The following BBS9 variants were observed in gnomAD, a reference collection of about 807,000 sequenced individuals.
BBS9 encodes the protein Bardet-Biedl syndrome 9.
Under a neutral mutation model 117.7 loss-of-function variants are expected in BBS9, and 89 were observed. The ratio of observed to expected loss-of-function variants is 0.76; its 90% CI spans 0.64 to 0.90. The LOEUF (loss-of-function observed/expected upper bound fraction) is 0.90. Among genes scored for constraint, BBS9 ranks in the 40% least tolerant of loss-of-function variants. BBS9 has a pLI of 0.00. For synonymous variants in BBS9, 379 were observed against 370.9 expected (o/e 1.02, Z -0.25); for missense variants, 982 against 1,042.2 (o/e 0.94, Z 0.80).
At chr7:33,132,550 TATTCAAGA>T (rs1789787685) in intron 1 of BBS9, among the ~76,000 whole-genome samples, 1 of 152,258 alleles carries the variant, frequency 6.6e-6, no homozygotes, top group Admixed American at 6.5e-5. Flanking sequence ...CTCGGTTCCT[TATTCAAGA>T]CAGTTAACTA....
chr7:33,372,846 T>G (rs1584536923), intron 17 of BBS9, among the ~76,000 whole-genome samples: 1 of 152,194 alleles, frequency 6.6e-6, no homozygotes, highest in Non-Finnish European at 1.5e-5. Context: ...GTTATTGCTC[T>G]GTTCAGATTT....
chr7:33,455,793 G>A lies in BBS9; in HGVS notation c.2116-49670G>A, dbSNP rs559199686. Reference sequence around the variant, plus strand: ...GGATTGTATTAATAAGAAAAATCTGGGTTGGCCTTTCTTGTGTTTCTTTTT... The same window carrying A: ...GGATTGTATTAATAAGAAAAATCTGAGTTGGCCTTTCTTGTGTTTCTTTTT... On this transcript the variant is annotated intron_variant, in intron 19 of 22. Coordinates refer to ENST00000242067, the MANE Select transcript of BBS9 (RefSeq NM_198428.3). Among the ~76,000 whole-genome samples, 16 of 152,232 alleles carry A rather than the reference G, an allele frequency of 1.1e-4. No individual in the cohort carries two copies. In the East Asian group the frequency reaches 2.9e-3, roughly 28 times the overall value.
At chr7:33,398,006 TAA>T (rs532488804) in intron 19 of BBS9, among the ~76,000 whole-genome samples, 343 of 152,008 alleles carry the variant, frequency 2.3e-3, no homozygotes, top group African/African-American at 8.1e-3. Context: ...AAATAAAAAT[TAA>T]AAAAATTGAT....
At chr7:33,343,239 T>C (rs1404396583) in intron 11 of BBS9, among the ~76,000 whole-genome samples, 2 of 152,160 alleles carry the variant, frequency 1.3e-5, no homozygotes, top group Non-Finnish European at 2.9e-5. Context: ...TCCCCAGAAT[T>C]CATAACGGTA....
rs1378512035 is a variant in BBS9 at position 33,533,954 on chromosome 7, G to A, written c.2299G>A (p.Gly767Ser). The change falls in exon 21 of 23, where the codon GGC becomes AGC. Residue 767 changes from glycine to serine, a missense_variant and splice_region_variant. Gly to Ser is a moderately conservative substitution (Grantham distance 56). Coordinates refer to ENST00000242067, the MANE Select transcript of BBS9 (RefSeq NM_198428.3). ...ATTCAAAATTGGCTTTTGTATCCAG[G>A]GCTGGGAAGAAACGGTGGATGCCGC... ...LPLQEDTQEL[G>S]WEETVDAAIS... is the part of the protein sequence containing the mutation. 6.2e-7 allele frequency: 1 copy of A among 1,614,090 alleles called. No homozygotes were observed. Among genetic ancestry groups the A allele is most frequent in the Non-Finnish European group, 8.5e-7 (1 of 1,180,028 alleles).
At chr7:33,428,848 G>T (rs988148134) in intron 19 of BBS9, among the ~76,000 whole-genome samples, 4 of 152,050 alleles carry the variant, frequency 2.6e-5, no homozygotes, top group South Asian at 2.1e-4. Flanking sequence ...TTGATTTTTT[G>T]TTGTTGTGCT....
chr7:33,409,330 A>T (rs1042237818), intron 19 of BBS9, among the ~76,000 whole-genome samples: 2 of 152,134 alleles, frequency 1.3e-5, no homozygotes, highest in African/African-American at 4.8e-5. Flanking sequence ...AGTTAATTTT[A>T]TTACATGATG....
chr7:33,191,943 A>T (rs1041525447), intron 5 of BBS9, among the ~76,000 whole-genome samples: 1 of 151,704 alleles, frequency 6.6e-6, no homozygotes, highest in Non-Finnish European at 1.5e-5. Context: ...AAACATATGT[A>T]CCGGTAAAAA....
chr7:33,247,982 T>G (rs574406564), intron 5 of BBS9, among the ~76,000 whole-genome samples: 1 of 152,214 alleles, frequency 6.6e-6, no homozygotes. Flanking sequence ...GGGGAAAAGA[T>G]TGTGATAAAT....
chr7:33,328,329 C>T (rs532039498), intron 9 of BBS9, among the ~76,000 whole-genome samples: 2 of 152,298 alleles, frequency 1.3e-5, no homozygotes, highest in East Asian at 3.9e-4. Flanking sequence ...GTTTGAAGTC[C>T]TCCCAATTAG....
rs554052022 is a variant in BBS9 at position 33,130,991 on chromosome 7, G to A, written c.-12+950G>A. Among the ~76,000 whole-genome samples, 13 of 152,102 alleles carry A rather than the reference G, an allele frequency of 8.5e-5. No homozygotes were observed. In the South Asian group the frequency reaches 2.7e-3, roughly 32 times the overall value. On this transcript the variant is annotated intron_variant, in intron 1 of 22. Transcript: ENST00000242067. ...TTACACCTTTTGAGGGATGTAGTAA[G>A]TCTTACGCTTTAGAATACTTTGAAA...
At chr7:33,266,669 G>T (rs932953452) in intron 7 of BBS9, among the ~76,000 whole-genome samples, 1 of 151,920 alleles carries the variant, frequency 6.6e-6, no homozygotes, top group Non-Finnish European at 1.5e-5. Flanking sequence ...TGAGAGAGGG[G>T]TATTGAAATC....
At chr7:33,242,034 T>A (rs1794613136) in intron 5 of BBS9, among the ~76,000 whole-genome samples, 4 of 152,168 alleles carry the variant, frequency 2.6e-5, no homozygotes, top group Admixed American at 2.6e-4. Context: ...TTGGTGTCTT[T>A]CTTCAAAGAT....
rs901102526 is a variant in BBS9, at chr7:33,136,729, G to A, written c.-12+6688G>A. Among the ~76,000 whole-genome samples, 3 of 152,276 alleles carry A rather than the reference G, an allele frequency of 2.0e-5. No homozygotes were observed. The South Asian group carries it at 6.2e-4, about 32-fold the overall frequency. On this transcript the variant is annotated intron_variant, in intron 1 of 22. Transcript: ENST00000242067. Reference sequence around the variant, plus strand: ...ATATATTATTGGATTCAATTAGCTAGTAGTATTTTGTTGAGGATTTTTGCA... The same window carrying A: ...ATATATTATTGGATTCAATTAGCTAATAGTATTTTGTTGAGGATTTTTGCA...
intron 8 of BBS9, 32 bp downstream of exon 8, chr7:33,273,227 A>G (rs774051881): frequency 5.0e-6 from 8 of 1,609,244 alleles, no homozygotes; most frequent in South Asian, 4.4e-5. Context: ...TATCTCTTCC[A>G]TATGTCAAGG....
intron 19 of BBS9, among the ~76,000 whole-genome samples, chr7:33,474,975 T>C (rs1255604196): frequency 6.6e-6 from 1 of 152,194 alleles, no homozygotes; most frequent in East Asian, 1.9e-4. Context: ...CTTTCCCTAA[T>C]GTCCCATCTT....
intron 19 of BBS9, 99 bp from the exon 20 acceptor site, chr7:33,505,364 C>A: frequency 8.8e-7 from 1 of 1,138,344 alleles, no homozygotes; most frequent in Non-Finnish European, 1.3e-6. Flanking sequence ...CAAAGTTCAT[C>A]AAGTTGTCTT....
rs1053986865 is a variant in BBS9, at chr7:33,155,650, G to A, written c.276G>A (p.Met92Ile). The A allele has an allele frequency of 1.3e-6, 2 of 1,588,954 alleles. No homozygotes were observed. Among genetic ancestry groups the A allele is most frequent in the Non-Finnish European group, 1.7e-6 (2 of 1,163,032 alleles). ...EVGKFVSGTE[M>I]LHLAVLHSRK... ...CTCTGTTTTTCAGAGGTACCGAAAT[G>A]CTACATTTGGCTGTGTTACATTCTA... The change falls in exon 4 of 23, where the codon ATG becomes ATA. Residue 92 changes from methionine (M) to isoleucine (I), a missense_variant. Physicochemically the swap from Met to Ile is conservative, Grantham distance 10. Transcript: ENST00000242067.
intron 21 of BBS9, among the ~76,000 whole-genome samples, chr7:33,634,962 C>A (rs1866072699): frequency 6.6e-6 from 1 of 152,202 alleles, no homozygotes; most frequent in Non-Finnish European, 1.5e-5. Context: ...CTGTCACGGG[C>A]AGTTGAAATT....
Sources: gnomAD v4.1 joint callset for allele counts (sites outside exome capture counted in the v4.1 genomes callset) on GRCh38, gnomAD v4.1.1 for gene constraint, MANE v1.5 for transcripts, NCBI Gene and HGNC (gene_info 2026-07-23, HGNC 2026-07-21) for gene names.